Variants in NAPB observed in about 807,000 individuals in gnomAD.
NAPB encodes NSF attachment protein beta, also known as beta-soluble NSF attachment protein.
Under a neutral mutation model 44.7 loss-of-function variants are expected in NAPB, and 26 were observed. The ratio of observed to expected loss-of-function variants is 0.58; its 90% CI spans 0.43 to 0.81. The LOEUF is 0.81. NAPB is among the 30% of genes least tolerant of loss of function. The probability of loss-of-function intolerance (pLI) is 0.00; values close to 1 mark genes in which losing one functional copy is unlikely to be tolerated. For synonymous variants in NAPB, 120 were observed against 116.8 expected (o/e 1.03, Z -0.18); for missense variants, 315 against 356.4 (o/e 0.88, Z 0.94).
intron 2 of NAPB, among the ~76,000 whole-genome samples, chr20:23,399,278 A>G (rs1984643061): frequency 6.6e-6 from 1 of 152,152 alleles, no homozygotes. Flanking sequence ...CTGATATCCA[A>G]TTTGACAGTA....
rs747462913 is a variant in NAPB, at chr20:23,403,046, C to T, written c.125G>A (p.Cys42Tyr). The T allele has an allele frequency of 6.2e-7, 1 of 1,613,760 alleles. No homozygotes were observed. Among genetic ancestry groups the T allele is most frequent in the Admixed American group, 1.7e-5 (1 of 59,980 alleles). ...FGGNTRIEEA[C>Y]EMYTRAANMF... Reference sequence around the variant, plus strand: ...ATTTGCAGCTCTGGTATACATTTCACAAGCCTCTTCTATTCTTGTGTTTCC... The same window carrying T: ...ATTTGCAGCTCTGGTATACATTTCATAAGCCTCTTCTATTCTTGTGTTTCC... Residue 42 changes from cysteine to tyrosine, a missense_variant, in exon 2 of 11, where the codon TGT becomes TAT. Physicochemically the swap from Cys to Tyr is radical, Grantham distance 194. Transcript: ENST00000377026.
chr20:23,413,163 C>G (rs919967780), intron 1 of NAPB, among the ~76,000 whole-genome samples: 1 of 151,878 alleles, frequency 6.6e-6, no homozygotes, highest in Non-Finnish European at 1.5e-5. Context: ...TGTACCTGGA[C>G]CATTCATGAA....
At chr20:23,421,176 GCTGAGGGCCCCTAGACGTGGT>G (rs908243718) in intron 1 of NAPB, 108 bp downstream of exon 1, 3 of 701,644 alleles carry the variant, frequency 4.3e-6, no homozygotes, top group East Asian at 3.3e-5. Flanking sequence ...GCGCCTGCAG[GCTGAGGGCCCCTAGACGTGGT>G]CTGAGGGCCC....
rs779991375 is a variant in NAPB, at chr20:23,419,136, C to T, written c.98+2169G>A. Among the ~76,000 whole-genome samples, 6 of 152,264 alleles carry T rather than the reference C, an allele frequency of 3.9e-5. No homozygotes were observed. In the South Asian group the frequency reaches 1.2e-3, roughly 32 times the overall value. On this transcript the variant is annotated intron_variant, in intron 1 of 10. Transcript: ENST00000377026. Reference sequence around the variant, plus strand: ...TATAAACATAACCTCACTGAACTCCCATAAATTTTGAGATATACTATTATT... The same window carrying T: ...TATAAACATAACCTCACTGAACTCCTATAAATTTTGAGATATACTATTATT...
chr20:23,407,228 C>T (rs574141703), intron 1 of NAPB, among the ~76,000 whole-genome samples: 22 of 152,202 alleles, frequency 1.4e-4, no homozygotes, highest in Admixed American at 7.8e-4. Flanking sequence ...GAAATTACAC[C>T]GGATGCTTAT....
At chr20:23,416,867 A>G (rs945826726) in intron 1 of NAPB, among the ~76,000 whole-genome samples, 2 of 152,226 alleles carry the variant, frequency 1.3e-5, no homozygotes, top group African/African-American at 2.4e-5. Context: ...AAGAATACTG[A>G]TAATTTACAG....
At position 23,381,249 on chromosome 20, in the gene NAPB, G is replaced by A. The variant is rs547197437; in HGVS notation, c.630C>T (p.Ala210=). 1.9e-6 allele frequency: 3 copies of A among 1,613,144 alleles called. No homozygotes were observed. The East Asian group carries it at 6.7e-5, about 36-fold the overall frequency. ...YSAKDYFFKA[A]LCHFIVDELN... is the part of the protein sequence containing the mutation. ...ACTCGTCTACTATGAAGTGGCAGAG[G>A]GCAGCTTTGAAGAAGTAATCCTTTG... The change falls in exon 8 of 11, where the codon GCC becomes GCT. Residue 210 remains alanine (A), a synonymous_variant. Coordinates refer to ENST00000377026, the MANE Select transcript of NAPB (RefSeq NM_022080.3).
intron 1 of NAPB, among the ~76,000 whole-genome samples, chr20:23,408,607 G>C (rs1289165678): frequency 6.6e-6 from 1 of 152,094 alleles, no homozygotes; most frequent in Non-Finnish European, 1.5e-5. Flanking sequence ...GGCTTTCCTA[G>C]GTAAACTTAA....
At chr20:23,377,952 A>G (rs905066988) in intron 10 of NAPB, among the ~76,000 whole-genome samples, 2 of 152,198 alleles carry the variant, frequency 1.3e-5, no homozygotes, top group Non-Finnish European at 2.9e-5. Context: ...AAAGTCAGAC[A>G]GGAAAACATT....
chr20:23,391,793 C>G (rs1179078902), intron 5 of NAPB, among the ~76,000 whole-genome samples: 1 of 152,100 alleles, frequency 6.6e-6, no homozygotes, highest in African/African-American at 2.4e-5. Flanking sequence ...GATTAAAAAC[C>G]GTAAAAACCA....
intron 7 of NAPB, among the ~76,000 whole-genome samples, chr20:23,385,864 T>C (rs548889740): frequency 3.3e-5 from 5 of 152,178 alleles, no homozygotes; most frequent in Admixed American, 2.6e-4. Context: ...TCAACATTTA[T>C]AAACATCACC....
chr20:23,411,579 G>C (rs1046928567), intron 1 of NAPB, among the ~76,000 whole-genome samples: 8 of 151,854 alleles, frequency 5.3e-5, no homozygotes, highest in African/African-American at 1.9e-4. Context: ...CAAAATGTAA[G>C]GACAAGGGTA....
intron 1 of NAPB, among the ~76,000 whole-genome samples, chr20:23,420,388 T>C (rs1048534696): frequency 7.2e-5 from 11 of 152,136 alleles, no homozygotes; most frequent in African/African-American, 2.4e-4. Flanking sequence ...AATATATTCG[T>C]TCATTAGTCA....
chr20:23,410,880 T>C (rs994606414), intron 1 of NAPB, among the ~76,000 whole-genome samples: 1 of 152,156 alleles, frequency 6.6e-6, no homozygotes, highest in African/African-American at 2.4e-5. Context: ...AAACTCATCA[T>C]GGAAATACAC....
chr20:23,417,753 C>A (rs1986106347), intron 1 of NAPB, among the ~76,000 whole-genome samples: 1 of 152,014 alleles, frequency 6.6e-6, no homozygotes. Flanking sequence ...ACCACCACAA[C>A]AGTGGTTTCC....
intron 1 of NAPB, among the ~76,000 whole-genome samples, chr20:23,417,810 G>A (rs963298415): frequency 6.6e-6 from 1 of 152,038 alleles, no homozygotes; most frequent in Non-Finnish European, 1.5e-5. Flanking sequence ...GGAGGAAGGT[G>A]GGGATGGGAA....
intron 2 of NAPB, among the ~76,000 whole-genome samples, chr20:23,397,462 T>C (rs531652784): frequency 2.0e-5 from 3 of 152,234 alleles, no homozygotes; most frequent in African/African-American, 4.8e-5. Context: ...GTCCATTCAA[T>C]ACCAGTAGCC....
In NAPB at chr20:23,394,905, G is replaced by T. The variant is rs770540114; in HGVS notation, c.420+17C>A. On this transcript the variant is annotated intron_variant, in intron 5 of 10. Coordinates refer to ENST00000377026, the MANE Select transcript of NAPB (RefSeq NM_022080.3). ...ATCTGCCTGCTTCACATCTGAGGAA[G>T]TGTGCCCACTGCTTACCTTCTCAAT... The T allele has an allele frequency of 1.9e-6, 3 of 1,609,946 alleles. No homozygotes were observed. In the East Asian group the frequency reaches 6.7e-5, roughly 36 times the overall value.
intron 3 of NAPB, among the ~76,000 whole-genome samples, chr20:23,396,223 G>A (rs948331740): frequency 6.6e-6 from 1 of 152,170 alleles, no homozygotes; most frequent in African/African-American, 2.4e-5. Context: ...TCTGAAACCA[G>A]GGATTTTAAT....
Sources: allele counts gnomAD v4.1 joint callset (sites outside exome capture counted in the v4.1 genomes callset), GRCh38; gene constraint gnomAD v4.1.1; transcripts MANE v1.5; gene names NCBI Gene and HGNC (gene_info 2026-07-23, HGNC 2026-07-21).